Variants in SORCS3 observed in about 807,000 individuals in gnomAD.
SORCS3 encodes the protein VPS10 domain-containing receptor SorCS3.
Under a neutral mutation model 146.3 loss-of-function variants are expected in SORCS3, and 57 were observed. The ratio of observed to expected loss-of-function variants is 0.39; its 90% CI spans 0.31 to 0.49. The LOEUF (loss-of-function observed/expected upper bound fraction) is 0.49. Ranked by LOEUF, SORCS3 falls within the 20% of genes least tolerant of loss-of-function variation. The probability of loss-of-function intolerance (pLI) is 0.92; values close to 1 mark genes in which losing one functional copy is unlikely to be tolerated. For synonymous variants in SORCS3, 653 were observed against 618.5 expected (o/e 1.06, Z -0.83); for missense variants, 1,341 against 1,575.5 (o/e 0.85, Z 2.52).
At chr10:104,953,575 C>T (rs1002169361) in intron 3 of SORCS3, among the ~76,000 whole-genome samples, 1 of 152,188 alleles carries the variant, frequency 6.6e-6, no homozygotes, top group African/African-American at 2.4e-5. Flanking sequence ...CAGGTGCCAC[C>T]ATTGGCTAAC....
At chr10:104,905,821 G>C (rs1365131706) in intron 2 of SORCS3, among the ~76,000 whole-genome samples, 2 of 152,188 alleles carry the variant, frequency 1.3e-5, no homozygotes, top group Non-Finnish European at 2.9e-5. Context: ...GGCAGAAGGA[G>C]ACACTCTCTT....
intron 1 of SORCS3, among the ~76,000 whole-genome samples, chr10:104,765,456 T>A (rs1255035265): frequency 1.3e-5 from 2 of 152,196 alleles, no homozygotes; most frequent in African/African-American, 4.8e-5. Context: ...GAGGTAATTA[T>A]TTTGACCTCT....
intron 16 of SORCS3, 86 bp from the exon 17 acceptor site, chr10:105,211,051 A>G: frequency 2.4e-6 from 2 of 821,982 alleles, no homozygotes; most frequent in South Asian, 2.9e-5. Flanking sequence ...GGATGGCAAT[A>G]GGGACATGTA....
chr10:105,013,309 A>T (rs905877890), intron 4 of SORCS3, among the ~76,000 whole-genome samples: 2 of 152,144 alleles, frequency 1.3e-5, no homozygotes, highest in Non-Finnish European at 2.9e-5. Flanking sequence ...AAAACATTAC[A>T]AACTCTTTTA....
chr10:104,679,574 C>T (rs533437548), intron 1 of SORCS3, among the ~76,000 whole-genome samples: 3 of 152,154 alleles, frequency 2.0e-5, no homozygotes, highest in Non-Finnish European at 4.4e-5. Flanking sequence ...TTTTCTTCAT[C>T]GAAATAAATG....
intron 1 of SORCS3, among the ~76,000 whole-genome samples, chr10:104,761,039 G>A (rs2017115975): frequency 6.6e-6 from 1 of 152,014 alleles, no homozygotes; most frequent in South Asian, 2.1e-4. Context: ...CATTTATCTG[G>A]AAAATGTACT....
chr10:105,129,241 A>G, intron 7 of SORCS3, among the ~76,000 whole-genome samples: 1 of 151,458 alleles, frequency 6.6e-6, no homozygotes, highest in African/African-American at 2.4e-5. Context: ...TTATACAAGT[A>G]TTGGACAACC....
chr10:105,182,230 C>CATTTTTTTTTTTTTTTTT (rs2056446695), intron 14 of SORCS3, among the ~76,000 whole-genome samples: 1 of 70,486 alleles, frequency 1.4e-5, no homozygotes, highest in Non-Finnish European at 2.7e-5. Context: ...TATTCAGCAT[C>CATTTTTTTTTTTTTTTTT]TTTTTTTTTT....
chr10:105,054,575 T>C lies in SORCS3; in HGVS notation c.1028+11447T>C, dbSNP rs115185028. Reference sequence around the variant, plus strand: ...TTTTAAGATTTATAGGATTTCTTTTTTTTTTTTAAGTAAAATGAAATGCAG... The same window carrying C: ...TTTTAAGATTTATAGGATTTCTTTTCTTTTTTTAAGTAAAATGAAATGCAG... On this transcript the variant is annotated intron_variant, in intron 5 of 26. Coordinates refer to ENST00000369701, the MANE Select transcript of SORCS3 (RefSeq NM_014978.3). 7.4e-3 allele frequency among the ~76,000 whole-genome samples: 1,129 copies of C among 152,144 alleles called. 19 individuals carry two copies. The highest frequency in any genetic ancestry group is 0.026 in the African/African-American group (1,070 of 41,538).
intron 2 of SORCS3, among the ~76,000 whole-genome samples, chr10:104,909,209 A>G (rs2018940429): frequency 6.6e-6 from 1 of 152,158 alleles, no homozygotes. Context: ...GGAGGTCCAC[A>G]AAACCCAAAA....
At chr10:105,120,351 T>A (rs2055923177) in intron 7 of SORCS3, among the ~76,000 whole-genome samples, 1 of 152,172 alleles carries the variant, frequency 6.6e-6, no homozygotes, top group Non-Finnish European at 1.5e-5. Flanking sequence ...CAGTCTTGGG[T>A]ATTTCCTCAT....
intron 5 of SORCS3, among the ~76,000 whole-genome samples, chr10:105,063,430 G>A (rs186461938): frequency 1.3e-5 from 2 of 152,262 alleles, no homozygotes; most frequent in Admixed American, 6.5e-5. Context: ...TATCTGTTGT[G>A]CTGATGTTAC....
chr10:104,942,826 A>G (rs2019334373), intron 3 of SORCS3, among the ~76,000 whole-genome samples: 1 of 152,240 alleles, frequency 6.6e-6, no homozygotes, highest in Admixed American at 6.5e-5. Context: ...AACCTACAGC[A>G]AACCTCAAAC....
At chr10:105,163,878 GCACATACACACA>G (rs1329559060) in intron 11 of SORCS3, among the ~76,000 whole-genome samples, 14 of 112,484 alleles carry the variant, frequency 1.2e-4, no homozygotes, top group Non-Finnish European at 2.2e-4. Flanking sequence ...ACACAGTTAC[GCACATACACACA>G]CACACACACA....
At chr10:104,796,834 G>A (rs917389824) in intron 1 of SORCS3, among the ~76,000 whole-genome samples, 2 of 152,152 alleles carry the variant, frequency 1.3e-5, no homozygotes, top group South Asian at 4.2e-4. Context: ...GGTATTGGCT[G>A]GTTGTCAGTT....
chr10:104,946,939 C>T (rs1402246707), intron 3 of SORCS3, among the ~76,000 whole-genome samples: 1 of 152,074 alleles, frequency 6.6e-6, no homozygotes, highest in Admixed American at 6.5e-5. Flanking sequence ...GCAGATGTAG[C>T]AGGAATGGGG....
intron 12 of SORCS3, among the ~76,000 whole-genome samples, chr10:105,167,004 T>G (rs1397712416): frequency 6.6e-6 from 1 of 152,160 alleles, no homozygotes; most frequent in South Asian, 2.1e-4. Context: ...TCATGTAGCA[T>G]GCTGGTTCAC....
chr10:104,641,541 C>A lies in SORCS3; in HGVS notation c.214C>A (p.Leu72Met). 1 of 1,473,530 alleles carries A rather than the reference C, an allele frequency of 6.8e-7. No homozygotes were observed. The highest frequency in any genetic ancestry group is 1.3e-5 in the South Asian group (1 of 76,550). The allele number at this position is 1,473,530 out of a possible 1,614,324, so 91.3% of individuals were successfully genotyped here. The change falls in exon 1 of 27, where the codon CTG becomes ATG. Residue 72 changes from leucine (L) to methionine (M), a missense_variant. Physicochemically the swap from Leu to Met is conservative, Grantham distance 15 (BLOSUM62 2). Coordinates refer to ENST00000369701, the MANE Select transcript of SORCS3 (RefSeq NM_014978.3). The surrounding 1 kb of genome is among the most constrained non-coding windows in gnomAD (Gnocchi z 6.4). ...AGTGGCCAGCCAGTGGCCGGAGGAGCTGGCGTCGGCGCGGAGAGCCGCCGT... is the reference window on the plus strand; with the variant it reads ...AGTGGCCAGCCAGTGGCCGGAGGAGATGGCGTCGGCGCGGAGAGCCGCCGT... Reference protein sequence around the residue: ...RAVASQWPEELASARRAAVLG... With the variant: ...RAVASQWPEEMASARRAAVLG...
chr10:104,752,722 T>C (rs2133470025), intron 1 of SORCS3, among the ~76,000 whole-genome samples: 1 of 152,352 alleles, frequency 6.6e-6, no homozygotes. Context: ...TACTCTCATC[T>C]GAACATTTTA....
Sources: allele counts gnomAD v4.1 joint callset (sites outside exome capture counted in the v4.1 genomes callset), GRCh38; gene constraint gnomAD v4.1.1; non-coding constraint Gnocchi (gnomAD v3.1); transcripts MANE v1.5; gene names NCBI Gene and HGNC (gene_info 2026-07-23, HGNC 2026-07-21).